The following CNTNAP2 variants were observed in gnomAD, a reference collection of about 807,000 sequenced individuals.
CNTNAP2 encodes contactin-associated protein-like 2.
CNTNAP2 carries 98 observed loss-of-function variants against 155.2 expected under a neutral mutation model. The ratio of observed to expected loss-of-function variants is 0.63; its 90% CI spans 0.54 to 0.75. The LOEUF (loss-of-function observed/expected upper bound fraction) is 0.75, where lower values mean the gene tolerates loss of function less well. CNTNAP2 is among the 30% of genes least tolerant of loss of function. The pLI is 0.00. For missense variants in CNTNAP2, 1,727 were observed against 1,688.1 expected, an observed-to-expected ratio of 1.02 and a Z score of -0.40; for synonymous variants, 651 against 631.2, an observed-to-expected ratio of 1.03 and a Z score of -0.47.
At chr7:148,382,099 A>C (rs148943844) in intron 21 of CNTNAP2, among the ~76,000 whole-genome samples, 3,249 of 152,368 alleles carry the variant, frequency 0.021, 46 homozygotes, top group Non-Finnish European at 0.033. Context: ...GAAGAGAGTG[A>C]AAGAGGCCCA....
chr7:147,560,168 C>CAAAAAAAAAAAAAAAAAAAAAAAA lies in CNTNAP2; in HGVS notation c.1778-1947_1778-1946insAAAAAAAAAAAAAAAAAAAAAAAA, dbSNP rs71183016. Among the ~76,000 whole-genome samples the CAAAAAAAAAAAAAAAAAAAAAAAA allele has an allele frequency of 1.7e-3, 88 of 52,812 alleles. 3 individuals carry two copies. The highest frequency in any genetic ancestry group is 3.4e-3 in the African/African-American group (49 of 14,302). 34.6% of individuals were successfully genotyped at this position (52,812 alleles called of 152,430 possible). A position where few individuals can be genotyped will look rare whatever the true frequency, so the allele number is the denominator to read the frequency against. On this transcript the variant is annotated intron_variant, in intron 11 of 23. Coordinates refer to ENST00000361727, the MANE Select transcript of CNTNAP2 (RefSeq NM_014141.6). ...GGGCAACAAGAACGAAACTCCGTCT[C>CAAAAAAAAAAAAAAAAAAAAAAAA]AAAAAAAAAAAAAAAAAAAAAAATT...
intron 14 of CNTNAP2, among the ~76,000 whole-genome samples, chr7:147,906,844 A>G (rs953952970): frequency 6.6e-6 from 1 of 152,200 alleles, no homozygotes. Flanking sequence ...ATTAGAAGAC[A>G]TTCCATTCCA....
intron 9 of CNTNAP2, among the ~76,000 whole-genome samples, chr7:147,326,146 G>A (rs753773293): frequency 9.2e-5 from 14 of 152,118 alleles, no homozygotes; most frequent in Admixed American, 2.6e-4. Flanking sequence ...GGATGGTCTC[G>A]ATCTCCTGAC....
In CNTNAP2 at chr7:147,224,895, T is replaced by A. The variant is rs534642539; in HGVS notation, c.1349-75246T>A. 1.1e-4 allele frequency among the ~76,000 whole-genome samples: 16 copies of A among 152,336 alleles called. 1 individual carries two copies. In the South Asian group the frequency reaches 3.3e-3, roughly 32 times the overall value. On this transcript the variant is annotated intron_variant, in intron 8 of 23. Transcript: ENST00000361727. ...CACCAAAGTTTCTTGATTTTGTTTT[T>A]TTATTAGTAGATAGGGCTATTTTCT...
intron 8 of CNTNAP2, among the ~76,000 whole-genome samples, chr7:147,264,519 G>A (rs915312926): frequency 5.0e-5 from 3 of 60,406 alleles, no homozygotes; most frequent in African/African-American, 2.0e-4. Context: ...AGGAGCAGCA[G>A]CCACTTACTG....
At chr7:146,187,609 T>C (rs1437786851) in intron 1 of CNTNAP2, among the ~76,000 whole-genome samples, 1 of 152,128 alleles carries the variant, frequency 6.6e-6, no homozygotes, top group African/African-American at 2.4e-5. Context: ...GTTTTCTTTT[T>C]ACCCTCTCCC....
At chr7:147,673,743 C>T (rs1795824937) in intron 13 of CNTNAP2, among the ~76,000 whole-genome samples, 1 of 152,100 alleles carries the variant, frequency 6.6e-6, no homozygotes, top group African/African-American at 2.4e-5. Flanking sequence ...GATTTTGAGA[C>T]ACAGACCAAC....
intron 3 of CNTNAP2, among the ~76,000 whole-genome samples, chr7:146,920,372 C>A (rs140240955): frequency 6.6e-6 from 1 of 151,178 alleles, no homozygotes; most frequent in East Asian, 2.0e-4. Flanking sequence ...TGAGATTCCA[C>A]GCCATTGCAC....
At chr7:148,246,180 G>A (rs992103074) in intron 20 of CNTNAP2, among the ~76,000 whole-genome samples, 2 of 152,226 alleles carry the variant, frequency 1.3e-5, no homozygotes, top group Non-Finnish European at 2.9e-5. Flanking sequence ...CCAATGTTTC[G>A]ACTCCATCCT....
At chr7:148,180,202 T>C (rs1050620624) in intron 18 of CNTNAP2, among the ~76,000 whole-genome samples, 6 of 152,168 alleles carry the variant, frequency 3.9e-5, no homozygotes, top group Admixed American at 1.3e-4. Context: ...CACTTTCACA[T>C]CAGTAGGGAG....
intron 12 of CNTNAP2, among the ~76,000 whole-genome samples, chr7:147,620,198 C>A (rs1309731286): frequency 6.6e-6 from 1 of 152,072 alleles, no homozygotes; most frequent in Non-Finnish European, 1.5e-5. Flanking sequence ...GAAAGCTTTG[C>A]CAAGAAGGAT....
At chr7:146,903,934 T>C (rs943632602) in intron 3 of CNTNAP2, among the ~76,000 whole-genome samples, 4 of 152,240 alleles carry the variant, frequency 2.6e-5, no homozygotes, top group Non-Finnish European at 4.4e-5. Flanking sequence ...AGTTTTTCTC[T>C]ACTATATATG....
At chr7:146,301,363 G>A (rs138986943) in intron 1 of CNTNAP2, among the ~76,000 whole-genome samples, 115 of 152,066 alleles carry the variant, frequency 7.6e-4, no homozygotes, top group African/African-American at 2.6e-3. Flanking sequence ...AGTGACTCAC[G>A]CCTGTAATCC....
At chr7:147,307,470 G>C (rs920820228) in intron 9 of CNTNAP2, among the ~76,000 whole-genome samples, 1 of 152,066 alleles carries the variant, frequency 6.6e-6, no homozygotes, top group Non-Finnish European at 1.5e-5. Flanking sequence ...TGTAGTCCCA[G>C]CTACTTGGGA....
At chr7:146,672,639 T>C (rs1800330483) in intron 1 of CNTNAP2, among the ~76,000 whole-genome samples, 1 of 152,190 alleles carries the variant, frequency 6.6e-6, no homozygotes, top group Non-Finnish European at 1.5e-5. Flanking sequence ...GTCAGTCTTA[T>C]TATTACACTC....
intron 15 of CNTNAP2, among the ~76,000 whole-genome samples, chr7:148,064,810 T>A (rs1563186861): frequency 6.6e-6 from 1 of 152,128 alleles, no homozygotes; most frequent in Non-Finnish European, 1.5e-5. Context: ...CCGATCTTTG[T>A]TATTTCTTTT....
intron 8 of CNTNAP2, among the ~76,000 whole-genome samples, chr7:147,189,503 A>G (rs1225672959): frequency 6.6e-6 from 1 of 152,168 alleles, no homozygotes; most frequent in Non-Finnish European, 1.5e-5. Context: ...AACAGGAAAC[A>G]TATCAGAAAC....
At chr7:147,646,254 G>A (rs1795362560) in intron 13 of CNTNAP2, among the ~76,000 whole-genome samples, 1 of 152,128 alleles carries the variant, frequency 6.6e-6, no homozygotes, top group Non-Finnish European at 1.5e-5. Context: ...TGAAAAACTG[G>A]CCAACAGTTC....
At chr7:148,323,456 A>AT (rs1222209665) in intron 21 of CNTNAP2, among the ~76,000 whole-genome samples, 2 of 147,436 alleles carry the variant, frequency 1.4e-5, no homozygotes, top group Non-Finnish European at 3.0e-5. Context: ...TGTTTGCCTC[A>AT]TTTTCCCACC....
Sources: gnomAD v4.1 joint callset for allele counts (sites outside exome capture counted in the v4.1 genomes callset) on GRCh38, gnomAD v4.1.1 for gene constraint, MANE v1.5 for transcripts, NCBI Gene and HGNC (gene_info 2026-07-23, HGNC 2026-07-21) for gene names.